The following MLLT3 variants were observed in gnomAD, a reference collection of about 807,000 sequenced individuals.
MLLT3 encodes the protein MLLT3 super elongation complex subunit.
In MLLT3, 4 loss-of-function variants were observed where a neutral mutation model predicts 53.2. That is an observed-to-expected ratio of 0.08 (90% confidence interval 0.04 to 0.17). The LOEUF (loss-of-function observed/expected upper bound fraction) is 0.17. Among genes scored for constraint, MLLT3 ranks in the 10% least tolerant of loss-of-function variants. The pLI, the probability that MLLT3 is intolerant of heterozygous loss-of-function variation, is 1.00. For missense variants in MLLT3, 569 were observed against 684.0 expected (o/e 0.83, Z 1.87); for synonymous variants, 283 against 230.6 (o/e 1.23, Z -2.06).
chr9:20,360,870 T>A, intron 7 of MLLT3, 29 bp from the exon 8 acceptor site: 1 of 1,565,140 alleles, frequency 6.4e-7, no homozygotes, highest in Non-Finnish European at 8.8e-7. Context: ...GTTATGCACA[T>A]CATTACAAAC....
intron 2 of MLLT3, among the ~76,000 whole-genome samples, chr9:20,615,979 T>C (rs1339226447): frequency 6.6e-6 from 1 of 152,068 alleles, no homozygotes; most frequent in Non-Finnish European, 1.5e-5. Flanking sequence ...TGTTAACATA[T>C]AATAGGTTAC....
rs777176380 is a variant in MLLT3 at position 20,620,616 on chromosome 9, A to C, written c.193+38T>G. On this transcript the variant is annotated intron_variant, in intron 2 of 10. Coordinates refer to ENST00000380338, the MANE Select transcript of MLLT3 (RefSeq NM_004529.4). The surrounding 1 kb of genome is among the most constrained non-coding windows in gnomAD (Gnocchi z 6.1). Reference sequence around the variant, plus strand: ...CCCGGGCCAAGCGATTGTTTCAAAGACATTTTTTATCAAGACCCTTTTGTA... The same window carrying C: ...CCCGGGCCAAGCGATTGTTTCAAAGCCATTTTTTATCAAGACCCTTTTGTA... 2.8e-5 allele frequency: 44 copies of C among 1,587,974 alleles called. No individual in the cohort carries two copies. Among genetic ancestry groups the C allele is most frequent in the Non-Finnish European group, 3.5e-5 (41 of 1,161,680 alleles).
chr9:20,472,649 T>G (rs1264809957), intron 2 of MLLT3, among the ~76,000 whole-genome samples: 1 of 152,100 alleles, frequency 6.6e-6, no homozygotes, highest in Non-Finnish European at 1.5e-5. Context: ...TATAAGCCCC[T>G]GCATGTTTTT....
chr9:20,459,707 G>T (rs535197639), intron 2 of MLLT3, among the ~76,000 whole-genome samples: 1 of 152,064 alleles, frequency 6.6e-6, no homozygotes, highest in Non-Finnish European at 1.5e-5. Flanking sequence ...TCTTATCGTT[G>T]AATATCTTTG....
intron 2 of MLLT3, among the ~76,000 whole-genome samples, chr9:20,508,917 A>G (rs1825450985): frequency 6.6e-6 from 1 of 152,194 alleles, no homozygotes; most frequent in Non-Finnish European, 1.5e-5. Flanking sequence ...AATATGGTAT[A>G]TGATTTCATT....
intron 8 of MLLT3, among the ~76,000 whole-genome samples, chr9:20,360,210 C>T (rs1821279235): frequency 6.6e-6 from 1 of 152,216 alleles, no homozygotes; most frequent in East Asian, 1.9e-4. Context: ...TAATAAACTA[C>T]CATCAACTGA....
At chr9:20,389,365 TAGGGG>T (rs1250413633) in intron 5 of MLLT3, among the ~76,000 whole-genome samples, 1 of 152,188 alleles carries the variant, frequency 6.6e-6, no homozygotes, top group African/African-American at 2.4e-5. Flanking sequence ...TGCCTAGGGC[TAGGGG>T]AGATAAGAGA....
intron 2 of MLLT3, among the ~76,000 whole-genome samples, chr9:20,560,545 TA>T (rs749891665): frequency 6.6e-6 from 1 of 152,060 alleles, no homozygotes; most frequent in Non-Finnish European, 1.5e-5. Context: ...AAGCCAAAAT[TA>T]AAGAATTTTT....
chr9:20,563,516 A>G (rs867467335), intron 2 of MLLT3, among the ~76,000 whole-genome samples: 1 of 152,120 alleles, frequency 6.6e-6, no homozygotes, highest in African/African-American at 2.4e-5. Flanking sequence ...GTGCACAAGG[A>G]GAGAACAGCT....
At chr9:20,535,616 T>C (rs1818461516) in intron 2 of MLLT3, among the ~76,000 whole-genome samples, 1 of 152,182 alleles carries the variant, frequency 6.6e-6, no homozygotes, top group Non-Finnish European at 1.5e-5. Flanking sequence ...CCATATTCTA[T>C]TCGCTCAGCA....
chr9:20,622,321 G>T lies in MLLT3; in HGVS notation c.-65C>A. 6.9e-7 allele frequency: 1 copy of T among 1,438,906 alleles called. No homozygotes were observed. The highest frequency in any genetic ancestry group is 9.3e-7 in the Non-Finnish European group (1 of 1,073,270). 89.1% of individuals were successfully genotyped at this position (1,438,906 alleles called of 1,614,324 possible). A position where few individuals can be genotyped will look rare whatever the true frequency, so the allele number is the denominator to read the frequency against. On this transcript the variant is annotated 5_prime_UTR_variant, in exon 1 of 11. It adds an upstream start codon to the 5' untranslated region. Transcript: ENST00000380338. The stretch of plus-strand genomic sequence containing the variant: ...CCCCCCCCTCCTCCGCCCCCCCTCA[G>T]CTGTAATTCATGAAGAGGCTGCTAT...
chr9:20,438,892 G>A (rs572893983), intron 4 of MLLT3, among the ~76,000 whole-genome samples: 1 of 152,100 alleles, frequency 6.6e-6, no homozygotes, highest in Admixed American at 6.5e-5. Context: ...TAGTTGATTG[G>A]ACCAGTTTGT....
intron 2 of MLLT3, among the ~76,000 whole-genome samples, chr9:20,569,522 T>A (rs1259688405): frequency 6.6e-6 from 1 of 152,134 alleles, no homozygotes; most frequent in South Asian, 2.1e-4. Context: ...TTTCAAAGTC[T>A]CAGAGCTGTT....
intron 2 of MLLT3, among the ~76,000 whole-genome samples, chr9:20,619,944 C>T (rs1407114330): frequency 6.6e-6 from 1 of 152,126 alleles, no homozygotes; most frequent in Non-Finnish European, 1.5e-5. Context: ...GAACAGTCTC[C>T]CTGCAGATCA....
At chr9:20,383,359 AT>A (rs1029671227) in intron 5 of MLLT3, among the ~76,000 whole-genome samples, 1 of 151,874 alleles carries the variant, frequency 6.6e-6, no homozygotes, top group Non-Finnish European at 1.5e-5. Flanking sequence ...AAAAATCTAG[AT>A]TAGTATGAGG....
chr9:20,462,432 T>C lies in MLLT3; in HGVS notation c.194-5646A>G, dbSNP rs116049782. Among the ~76,000 whole-genome samples, 41 of 152,164 alleles carry C rather than the reference T, an allele frequency of 2.7e-4. 1 individual carries two copies. Among genetic ancestry groups the C allele is most frequent in the Admixed American group, 2.6e-3 (40 of 15,274 alleles). On this transcript the variant is annotated intron_variant, in intron 2 of 10. Coordinates refer to ENST00000380338, the MANE Select transcript of MLLT3 (RefSeq NM_004529.4). ...TTCAAATGCAATTCTAAAAACCTAA[T>C]TGCTTCCTATACAATAAGGAACTGT... is the stretch of plus-strand genomic sequence containing the variant.
At chr9:20,513,394 C>A (rs189591875) in intron 2 of MLLT3, among the ~76,000 whole-genome samples, 1 of 152,136 alleles carries the variant, frequency 6.6e-6, no homozygotes, top group Non-Finnish European at 1.5e-5. Context: ...CCAGAAGCAA[C>A]GTACGACAAA....
At chr9:20,533,520 T>A (rs1818398796) in intron 2 of MLLT3, among the ~76,000 whole-genome samples, 1 of 152,098 alleles carries the variant, frequency 6.6e-6, no homozygotes, top group Admixed American at 6.5e-5. Flanking sequence ...AAATTAAAAA[T>A]AGAACTACCA....
chr9:20,355,090 A>G (rs1276557200), intron 8 of MLLT3, among the ~76,000 whole-genome samples: 1 of 148,884 alleles, frequency 6.7e-6, no homozygotes, highest in Non-Finnish European at 1.5e-5. Flanking sequence ...TCAGAAAAGT[A>G]GAACTAAAAA....
Sources: allele counts gnomAD v4.1 joint callset (sites outside exome capture counted in the v4.1 genomes callset), GRCh38; gene constraint gnomAD v4.1.1; non-coding constraint Gnocchi (gnomAD v3.1); transcripts MANE v1.5; gene names NCBI Gene and HGNC (gene_info 2026-07-23, HGNC 2026-07-21).